Variants in PTPRK observed in about 807,000 individuals in gnomAD.
PTPRK encodes protein tyrosine phosphatase receptor type K.
In PTPRK, 75 loss-of-function variants were observed where a neutral mutation model predicts 178.0. The ratio of observed to expected loss-of-function variants is 0.42; its 90% CI spans 0.35 to 0.51. The LOEUF (loss-of-function observed/expected upper bound fraction) is 0.51. Ranked by LOEUF, PTPRK falls within the 20% of genes least tolerant of loss-of-function variation. The probability of loss-of-function intolerance (pLI) is 0.02; values close to 1 mark genes in which losing one functional copy is unlikely to be tolerated. For missense variants in PTPRK, 1,441 were observed against 1,797.8 expected, an observed-to-expected ratio of 0.80 and a Z score of 3.59; for synonymous variants, 637 against 620.6, an observed-to-expected ratio of 1.03 and a Z score of -0.39.
At chr6:128,200,471 T>A (rs548869888) in intron 6 of PTPRK, among the ~76,000 whole-genome samples, 71 of 152,068 alleles carry the variant, frequency 4.7e-4, no homozygotes, top group Admixed American at 1.5e-3. Context: ...ACACCTATTA[T>A]CATAGCAATT....
chr6:128,461,470 C>G (rs780601667), intron 1 of PTPRK, among the ~76,000 whole-genome samples: 1 of 152,116 alleles, frequency 6.6e-6, no homozygotes, highest in Non-Finnish European at 1.5e-5. Context: ...AGTTCCAGCA[C>G]ACATTGACCT....
chr6:128,122,033 T>C (rs1330004870), intron 7 of PTPRK, among the ~76,000 whole-genome samples: 1 of 152,130 alleles, frequency 6.6e-6, no homozygotes, highest in South Asian at 2.1e-4. Flanking sequence ...TGGCCAGGAA[T>C]ATGAATATAT....
intron 13 of PTPRK, among the ~76,000 whole-genome samples, chr6:128,017,802 G>GTATGTATATATA (rs1554268827): frequency 3.0e-5 from 3 of 101,260 alleles, no homozygotes; most frequent in African/African-American, 9.9e-5. Flanking sequence ...ATATATATGT[G>GTATGTATATATA]TATATATATA....
chr6:128,010,121 G>A (rs1236144082), intron 13 of PTPRK, among the ~76,000 whole-genome samples: 1 of 151,152 alleles, frequency 6.6e-6, no homozygotes, highest in East Asian at 1.9e-4. Context: ...AAGGAACTGA[G>A]GCTTACAAAG....
chr6:128,474,784 G>A (rs964877956), intron 1 of PTPRK, among the ~76,000 whole-genome samples: 3 of 152,106 alleles, frequency 2.0e-5, no homozygotes, highest in Non-Finnish European at 4.4e-5. Flanking sequence ...AAAAGATCAT[G>A]TATGGGTGTT....
intron 13 of PTPRK, among the ~76,000 whole-genome samples, chr6:128,033,864 A>G (rs1775768642): frequency 6.7e-6 from 1 of 150,330 alleles, no homozygotes; most frequent in African/African-American, 2.4e-5. Flanking sequence ...CCTTGTCTCA[A>G]AAAAAAAAAG....
intron 2 of PTPRK, among the ~76,000 whole-genome samples, chr6:128,334,434 C>T (rs142265291): frequency 0.026 from 3,977 of 152,166 alleles, 67 homozygotes; most frequent in Middle Eastern, 0.058. Context: ...AACTAAAGTA[C>T]TTTTAGTACA....
At chr6:128,142,181 G>A (rs527724744) in intron 7 of PTPRK, among the ~76,000 whole-genome samples, 1 of 151,990 alleles carries the variant, frequency 6.6e-6, no homozygotes, top group East Asian at 1.9e-4. Flanking sequence ...GACAATCTAT[G>A]ACCTTCCTTT....
At chr6:128,506,168 A>T (rs865893029) in intron 1 of PTPRK, among the ~76,000 whole-genome samples, 1 of 152,172 alleles carries the variant, frequency 6.6e-6, no homozygotes, top group South Asian at 2.1e-4. Context: ...CATTAAAGAG[A>T]TCCCTCTTAT....
At chr6:128,509,296 T>C (rs1006058583) in intron 1 of PTPRK, among the ~76,000 whole-genome samples, 1 of 152,150 alleles carries the variant, frequency 6.6e-6, no homozygotes, top group Admixed American at 6.5e-5. Context: ...TATTTATACA[T>C]ACATAGGAAA....
intron 7 of PTPRK, among the ~76,000 whole-genome samples, chr6:128,155,276 T>C (rs1404207776): frequency 6.6e-6 from 1 of 151,720 alleles, no homozygotes; most frequent in Non-Finnish European, 1.5e-5. Flanking sequence ...GCTCAGAATA[T>C]TCAGTGCTCC....
chr6:128,493,305 G>A (rs1284670291), intron 1 of PTPRK, among the ~76,000 whole-genome samples: 2 of 152,156 alleles, frequency 1.3e-5, no homozygotes, highest in Non-Finnish European at 1.5e-5. Context: ...GCTCACGCCT[G>A]CAATCCCAGC....
intron 2 of PTPRK, among the ~76,000 whole-genome samples, chr6:128,367,180 A>T (rs901914502): frequency 1.3e-5 from 2 of 152,122 alleles, no homozygotes; most frequent in African/African-American, 4.8e-5. Flanking sequence ...TAGGCCCTTA[A>T]TAAATATCTG....
chr6:128,047,233 T>C (rs925757098), intron 13 of PTPRK, among the ~76,000 whole-genome samples: 3 of 152,184 alleles, frequency 2.0e-5, no homozygotes, highest in East Asian at 3.9e-4. Flanking sequence ...ATGTTTAAAG[T>C]GCAAGCTAGC....
chr6:128,488,163 G>A (rs1424095893), intron 1 of PTPRK, among the ~76,000 whole-genome samples: 2 of 152,202 alleles, frequency 1.3e-5, no homozygotes, highest in Non-Finnish European at 2.9e-5. Flanking sequence ...AGGTCCAAGA[G>A]TCCAAAAGCT....
intron 2 of PTPRK, among the ~76,000 whole-genome samples, chr6:128,357,604 C>A (rs942733701): frequency 6.6e-6 from 1 of 152,160 alleles, no homozygotes; most frequent in African/African-American, 2.4e-5. Flanking sequence ...CTGTTCCCAG[C>A]CTCAGTCTAT....
chr6:128,136,913 T>C (rs1294741502), intron 7 of PTPRK, among the ~76,000 whole-genome samples: 1 of 152,186 alleles, frequency 6.6e-6, no homozygotes, highest in Non-Finnish European at 1.5e-5. Context: ...TCTAGGGATC[T>C]TCCACAGTTC....
rs560148403 is a variant in PTPRK, at chr6:128,030,108, CAGTT to C, written c.2195-20844_2195-20841del. ...CACTGGCTTTTTGTATTCCCCATGT[CAGTT>C]AGTCATCAGATATGAGCTGATAGTG... On this transcript the variant is annotated intron_variant, in intron 13 of 29. Coordinates refer to ENST00000368226, the MANE Select transcript of PTPRK (RefSeq NM_002844.4). 3.2e-3 allele frequency among the ~76,000 whole-genome samples: 489 copies of C among 152,274 alleles called. 2 individuals carry two copies. The highest frequency in any genetic ancestry group is 5.6e-3 in the Admixed American group (85 of 15,296).
chr6:128,406,380 G>A (rs1841659169), intron 1 of PTPRK, among the ~76,000 whole-genome samples: 1 of 151,856 alleles, frequency 6.6e-6, no homozygotes, highest in Non-Finnish European at 1.5e-5. Flanking sequence ...CCAATGTTTG[G>A]GTTTTTCAAA....
Sources: allele counts gnomAD v4.1 joint callset (sites outside exome capture counted in the v4.1 genomes callset), GRCh38; gene constraint gnomAD v4.1.1; transcripts MANE v1.5; gene names NCBI Gene and HGNC (gene_info 2026-07-23, HGNC 2026-07-21).